Variants in SRRM5 observed in about 807,000 individuals in gnomAD.
SRRM5 encodes the protein serine/arginine repetitive matrix 5, also known as serine/arginine repetitive matrix protein 5.
In SRRM5, 1 loss-of-function variant was observed where a neutral mutation model predicts 1.3. The ratio of observed to expected loss-of-function variants is 0.76; its 90% confidence interval spans 0.27 to 3.59. SRRM5 has a LOEUF of 3.59. Among genes scored for constraint, SRRM5 ranks in the 30% most tolerant of loss-of-function variants. The pLI is 0.19. For synonymous variants in SRRM5, 275 were observed against 320.2 expected (o/e 0.86, Z 1.51); for missense variants, 875 against 914.5 (o/e 0.96, Z 0.56).
Position 43,613,437 on chromosome 19 carries a change from G to C in SRRM5, c.1316G>C (p.Arg439Pro). The C allele has an allele frequency of 1.3e-6, 2 of 1,544,048 alleles. No homozygotes were observed. Among genetic ancestry groups the C allele is most frequent in the Non-Finnish European group, 1.7e-6 (2 of 1,143,820 alleles). ...CCCAACAAGGCGAGAGATTGCAGCC[G>C]ATCTAGAAGTCCCTACAAGGCGAGA... ...RSPNKARDCS[R>P]SRSPYKARDR... Residue 439 changes from arginine (R) to proline (P), a missense_variant, in exon 1 of 1, where the codon CGA (arginine) becomes CCA (proline). Arg to Pro is a moderately radical substitution (Grantham distance 103, BLOSUM62 -2). Coordinates refer to ENST00000417606, the MANE Select transcript of SRRM5 (RefSeq NM_001145641.2).
At position 43,613,839 on chromosome 19, in the gene SRRM5, G is replaced by A; in HGVS notation, c.1718G>A (p.Arg573Lys). Residue 573 changes from arginine (R) to lysine (K), a missense_variant, in exon 1 of 1, where the codon AGA becomes AAA. By Grantham distance (26) the Arg-to-Lys change is conservative (BLOSUM62 2). Transcript: ENST00000417606. ...AAAGAGAGAGATCGCAGACGATGGA[G>A]AAGCCCCAGCAAGGAGAGAGAGCGC... ...PSKERDRRRW[R>K]SPSKERERRQ... 6.4e-7 allele frequency: 1 copy of A among 1,550,874 alleles called. No homozygotes were observed. The highest frequency in any genetic ancestry group is 8.7e-7 in the Non-Finnish European group (1 of 1,146,370).
rs1280968825 is a variant in SRRM5, at chr19:43,612,630, G to A, written c.509G>A (p.Gly170Glu). The A allele has an allele frequency of 1.3e-6, 2 of 1,551,538 alleles. No individual in the cohort carries two copies. The highest frequency in any genetic ancestry group is 8.7e-7 in the Non-Finnish European group (1 of 1,146,986). Residue 170 changes from glycine to glutamate, a missense_variant, in exon 1 of 1, where the codon GGA (glycine) becomes GAA (glutamate). Coordinates refer to ENST00000417606, the MANE Select transcript of SRRM5 (RefSeq NM_001145641.2). This position sits in a 1 kb window ranked among gnomAD's most constrained non-coding sequence, Gnocchi z 4.2. ...ACTTCACAGCAAAAAGGGAGCCGGG[G>A]AAAGAGTTACGGCCGGCCTAGAACC... The part of the protein sequence containing the change: ...TPTSQQKGSR[G>E]KSYGRPRTSN...
rs1568534515 is a variant in SRRM5, at chr19:43,612,338, GCC to G, written c.220_221del (p.Pro74PhefsTer2). On this transcript the variant is annotated frameshift_variant, in exon 3 of 3. Transcript: ENST00000607544. LOFTEE classifies it low-confidence loss of function (END_TRUNC). This position sits in a 1 kb window ranked among gnomAD's most constrained non-coding sequence, Gnocchi z 4.2. Reference sequence around the variant, plus strand: ...CACCAAATCGACCAGTACAAAAAGAGCCCCTTCTAACCGGCCCAGCAGCAGGT... The same window carrying G: ...CACCAAATCGACCAGTACAAAAAGAGCCTTCTAACCGGCCCAGCAGCAGGT... The G allele has an allele frequency of 1.3e-6, 2 of 1,551,646 alleles. No homozygotes were observed. The highest frequency in any genetic ancestry group is 4.9e-5 in the East Asian group (2 of 40,920).
Position 43,614,311 on chromosome 19 carries a change from G to C in SRRM5, c.*42G>C, listed in dbSNP as rs372129497. On this transcript the variant is annotated 3_prime_UTR_variant, in exon 1 of 1. Transcript: ENST00000417606. ...GCTCACGGGTCTCTGTCATGACCGG[G>C]GGAGGGGACAGGAGACAGGAGCAGA... 5 of 1,599,850 alleles carry C rather than the reference G, an allele frequency of 3.1e-6. No homozygotes were observed. In the Middle Eastern group the frequency reaches 5.0e-4, roughly 160 times the overall value.
In SRRM5 at chr19:43,612,425, A is replaced by C. The variant is rs1235419029; in HGVS notation, c.304A>C (p.Lys102Gln). ...SRVSTDTRTS[K>Q]ASKASDVRCH... ...GGTGAGCACCGACACCAGGACCAGC[A>C]AAGCCAGCAAGGCCAGCGACGTGAG... The change falls in exon 1 of 1, where the codon AAA (lysine) becomes CAA (glutamine). Residue 102 changes from lysine (K) to glutamine (Q), a missense_variant. By Grantham distance (53) the Lys-to-Gln change is moderately conservative. Transcript: ENST00000417606. The surrounding 1 kb of genome is among the most constrained non-coding windows in gnomAD (Gnocchi z 4.2). 1 of 1,551,044 alleles carries C rather than the reference A, an allele frequency of 6.4e-7. No homozygotes were observed. Among genetic ancestry groups the C allele is most frequent in the East Asian group, 2.4e-5 (1 of 40,938 alleles).
rs561202972 is a variant in SRRM5, at chr19:43,612,776, T to A, written c.655T>A (p.Cys219Ser). The A allele has an allele frequency of 6.4e-7, 1 of 1,551,556 alleles. No homozygotes were observed. The highest frequency in any genetic ancestry group is 2.4e-5 in the East Asian group (1 of 40,922). The change falls in exon 1 of 1, where the codon TGT becomes AGT. Residue 219 changes from cysteine (C) to serine (S), a missense_variant. By Grantham distance (112) the Cys-to-Ser change is moderately radical. Transcript: ENST00000417606. This position sits in a 1 kb window ranked among gnomAD's most constrained non-coding sequence, Gnocchi z 4.2. ...ELAVTPSTAK[C>S]QTPTGIPSKE... The stretch of plus-strand genomic sequence containing the variant: ...GGCTGTAACTCCCAGTACAGCCAAG[T>A]GTCAAACCCCGACTGGAATTCCCTC...
Position 43,612,639 on chromosome 19 carries a change from A to G in SRRM5, c.518A>G (p.Tyr173Cys), listed in dbSNP as rs372603523. The change falls in exon 1 of 1, where the codon TAC becomes TGC. Residue 173 changes from tyrosine (Y) to cysteine (C), a missense_variant. By Grantham distance (194) the Tyr-to-Cys change is radical. Coordinates refer to ENST00000417606, the MANE Select transcript of SRRM5 (RefSeq NM_001145641.2). The surrounding 1 kb of genome is among the most constrained non-coding windows in gnomAD (Gnocchi z 4.2). ...SQQKGSRGKS[Y>C]GRPRTSNRER... ...CAAAAAGGGAGCCGGGGAAAGAGTT[A>G]CGGCCGGCCTAGAACCAGCAACAGG... 1.8e-4 allele frequency: 286 copies of G among 1,551,226 alleles called. No individual in the cohort carries two copies. The highest frequency in any genetic ancestry group is 1.9e-4 in the Non-Finnish European group (220 of 1,146,862).
Position 43,614,198 on chromosome 19 carries a change from G to A in SRRM5, c.2077G>A (p.Ala693Thr), listed in dbSNP as rs375583370. Reference sequence around the variant, plus strand: ...AACCCTAAGCCAGGATGACAGTCAAGCCGACGCCACCACCTCTAAGGCCAC... The same window carrying A: ...AACCCTAAGCCAGGATGACAGTCAAACCGACGCCACCACCTCTAAGGCCAC... ...GQTLSQDDSQ[A>T]DATTSKATLP... Residue 693 changes from alanine to threonine, a missense_variant, in exon 1 of 1, where the codon GCC becomes ACC. Physicochemically the swap from Ala to Thr is moderately conservative, Grantham distance 58. Transcript: ENST00000417606. The A allele has an allele frequency of 6.2e-7, 1 of 1,614,050 alleles. No individual in the cohort carries two copies. Among genetic ancestry groups the A allele is most frequent in the Non-Finnish European group, 8.5e-7 (1 of 1,180,034 alleles).
In SRRM5 at chr19:43,614,455, G is replaced by T; in HGVS notation, c.*186G>T. 7.0e-7 allele frequency: 1 copy of T among 1,435,078 alleles called. No individual in the cohort carries two copies. The highest frequency in any genetic ancestry group is 2.5e-5 in the East Asian group (1 of 39,956). 88.9% of individuals were successfully genotyped at this position (1,435,078 alleles called of 1,614,324 possible). ...GGATGCTGGATAGGGGGAAAGGAAA[G>T]ACCTGTGATGATTCAATAAATTTTT... is the stretch of plus-strand genomic sequence containing the variant. On this transcript the variant is annotated 3_prime_UTR_variant, in exon 1 of 1. Coordinates refer to ENST00000417606, the MANE Select transcript of SRRM5 (RefSeq NM_001145641.2).
At position 43,613,922 on chromosome 19, in the gene SRRM5, AAGC is replaced by A; in HGVS notation, c.1804_1806del (p.Gln602del). 4 of 1,551,704 alleles carry A rather than the reference AAGC, an allele frequency of 2.6e-6. No individual in the cohort carries two copies. The highest frequency in any genetic ancestry group is 3.5e-6 in the Non-Finnish European group (4 of 1,146,994). On this transcript the variant is annotated inframe_deletion, in exon 1 of 1. Transcript: ENST00000417606. Reference sequence around the variant, plus strand: ...TCACAGCCGATCTAGAAGCCCCAATAAGCAGAGTGGTTACAGTCGACCTAGAGC... The same window carrying A: ...TCACAGCCGATCTAGAAGCCCCAATAAGAGTGGTTACAGTCGACCTAGAGC...
In SRRM5 at chr19:43,613,905, G is replaced by T. The variant is rs759791111; in HGVS notation, c.1784G>T (p.Arg595Leu). 9 of 1,551,538 alleles carry T rather than the reference G, an allele frequency of 5.8e-6. No individual in the cohort carries two copies. The highest frequency in any genetic ancestry group is 4.4e-6 in the Non-Finnish European group (5 of 1,146,938). The change falls in exon 1 of 1, where the codon CGA becomes CTA. Residue 595 changes from arginine to leucine, a missense_variant. By Grantham distance (102) the Arg-to-Leu change is moderately radical. Coordinates refer to ENST00000417606, the MANE Select transcript of SRRM5 (RefSeq NM_001145641.2). ...TCCAGCGAGGAGAGAGATCACAGCC[G>T]ATCTAGAAGCCCCAATAAGCAGAGT... The part of the protein sequence containing the change: ...RSSSEERDHS[R>L]SRSPNKQSGY...
chr19:43,613,680 A>C lies in SRRM5; in HGVS notation c.1559A>C (p.Asp520Ala), dbSNP rs1007341510. ...RQSRSSSKER[D>A]HRRSRSPSKE... ...TCTAGAAGCTCCAGCAAAGAGAGAGATCACAGACGATCTAGAAGCCCCAGC... is the reference window on the plus strand; with the variant it reads ...TCTAGAAGCTCCAGCAAAGAGAGAGCTCACAGACGATCTAGAAGCCCCAGC... Residue 520 changes from aspartate to alanine, a missense_variant, in exon 1 of 1, where the codon GAT (aspartate) becomes GCT (alanine). Asp to Ala is a moderately radical substitution (Grantham distance 126). Coordinates refer to ENST00000417606, the MANE Select transcript of SRRM5 (RefSeq NM_001145641.2). 32 of 1,551,422 alleles carry C rather than the reference A, an allele frequency of 2.1e-5. No individual in the cohort carries two copies. Among genetic ancestry groups the C allele is most frequent in the Non-Finnish European group, 2.8e-5 (32 of 1,146,950 alleles).
At position 43,613,194 on chromosome 19, in the gene SRRM5, A is replaced by C. The variant is rs187670812; in HGVS notation, c.1073A>C (p.Asn358Thr). ...RRGRSHNWSR[N>T]PSKERSHSHS... ...GGAAGAAGTCACAACTGGTCTAGAA[A>C]CCCCAGCAAGGAAAGAAGTCATAGC... The change falls in exon 1 of 1, where the codon AAC becomes ACC. Residue 358 changes from asparagine (N) to threonine (T), a missense_variant. Coordinates refer to ENST00000417606, the MANE Select transcript of SRRM5 (RefSeq NM_001145641.2). 6.4e-7 allele frequency: 1 copy of C among 1,551,658 alleles called. No individual in the cohort carries two copies.
Position 43,614,399 on chromosome 19 carries a change from T to G in SRRM5, c.*130T>G. On this transcript the variant is annotated 3_prime_UTR_variant, in exon 1 of 1. Transcript: ENST00000417606. ...CACAGCCACACCTCCGGCCACAAGTTCTCTAATACAGGATGTTGGCAGGTA... is the reference window on the plus strand; with the variant it reads ...CACAGCCACACCTCCGGCCACAAGTGCTCTAATACAGGATGTTGGCAGGTA... The G allele has an allele frequency of 6.7e-7, 1 of 1,493,478 alleles. No individual in the cohort carries two copies. Among genetic ancestry groups the G allele is most frequent in the Non-Finnish European group, 8.9e-7 (1 of 1,126,072 alleles). The allele number at this position is 1,493,478 out of a possible 1,614,324, so 92.5% of individuals were successfully genotyped here.
rs1384895204 is a variant in SRRM5 at position 43,613,836 on chromosome 19, G to C, written c.1715G>C (p.Trp572Ser). ...SPSKERDRRR[W>S]RSPSKERERR... is the part of the protein sequence containing the mutation. Reference sequence around the variant, plus strand: ...AGCAAAGAGAGAGATCGCAGACGATGGAGAAGCCCCAGCAAGGAGAGAGAG... The same window carrying C: ...AGCAAAGAGAGAGATCGCAGACGATCGAGAAGCCCCAGCAAGGAGAGAGAG... Residue 572 changes from tryptophan (W) to serine (S), a missense_variant, in exon 1 of 1, where the codon TGG becomes TCG. Coordinates refer to ENST00000417606, the MANE Select transcript of SRRM5 (RefSeq NM_001145641.2). 2 of 1,541,300 alleles carry C rather than the reference G, an allele frequency of 1.3e-6. No homozygotes were observed. The highest frequency in any genetic ancestry group is 2.0e-5 in the Admixed American group (1 of 50,128).
rs371308235 is a variant in SRRM5 at position 43,613,755 on chromosome 19, G to A, written c.1634G>A (p.Arg545His). 2.7e-5 allele frequency: 41 copies of A among 1,546,708 alleles called. No homozygotes were observed. Among genetic ancestry groups the A allele is most frequent in the African/African-American group, 7.0e-5 (5 of 71,348 alleles). The change falls in exon 1 of 1, where the codon CGC (arginine) becomes CAC (histidine). Residue 545 changes from arginine to histidine, a missense_variant. Arg to His is a conservative substitution (Grantham distance 29). Transcript: ENST00000417606. Reference sequence around the variant, plus strand: ...AGAAGCCCCAACAAGGAGAGAGATCGCAGCCAATCTAGAAGCCCCAGCGAG... The same window carrying A: ...AGAAGCCCCAACAAGGAGAGAGATCACAGCCAATCTAGAAGCCCCAGCGAG... ...QSRSPNKERD[R>H]SQSRSPSEER...
At position 43,612,359 on chromosome 19, in the gene SRRM5, A is replaced by G. The variant is rs1337076219; in HGVS notation, c.238A>G (p.Ser80Gly). ...TKRAPSNRPS[S>G]RSRVRSKART... ...AAGAGCCCCTTCTAACCGGCCCAGC[A>G]GCAGGTCCCGAGTCCGCAGCAAAGC... is the stretch of plus-strand genomic sequence containing the variant. Residue 80 changes from serine (S) to glycine (G), a missense_variant, in exon 1 of 1, where the codon AGC (serine) becomes GGC (glycine). Ser to Gly is a moderately conservative substitution (Grantham distance 56). Transcript: ENST00000417606. This position sits in a 1 kb window ranked among gnomAD's most constrained non-coding sequence, Gnocchi z 4.2. 6.4e-7 allele frequency: 1 copy of G among 1,551,602 alleles called. No individual in the cohort carries two copies. The highest frequency in any genetic ancestry group is 2.4e-5 in the East Asian group (1 of 40,940).
Position 43,612,555 on chromosome 19 carries a change from T to C in SRRM5, c.434T>C (p.Ile145Thr). 1 of 1,550,998 alleles carries C rather than the reference T, an allele frequency of 6.4e-7. No individual in the cohort carries two copies. The highest frequency in any genetic ancestry group is 8.7e-7 in the Non-Finnish European group (1 of 1,146,830). ...SPSRASTPGR[I>T]RTHGARPGMA... The stretch of plus-strand genomic sequence containing the variant: ...AGCAGGGCCAGCACTCCTGGCAGGA[T>C]AAGAACTCATGGTGCCAGACCAGGC... Residue 145 changes from isoleucine (I) to threonine (T), a missense_variant, in exon 1 of 1, where the codon ATA becomes ACA. Ile to Thr is a moderately conservative substitution (Grantham distance 89, BLOSUM62 -1). Coordinates refer to ENST00000417606, the MANE Select transcript of SRRM5 (RefSeq NM_001145641.2). The surrounding 1 kb of genome is among the most constrained non-coding windows in gnomAD (Gnocchi z 4.2).
Position 43,612,820 on chromosome 19 carries a change from C to T in SRRM5, c.699C>T (p.Asn233=). The T allele has an allele frequency of 6.4e-7, 1 of 1,551,634 alleles. No individual in the cohort carries two copies. Among genetic ancestry groups the T allele is most frequent in the Non-Finnish European group, 8.7e-7 (1 of 1,146,962 alleles). ...TGIPSKEKSD[N]PSPSSSRKVK... is the part of the protein sequence containing the mutation. ...TTCCCTCCAAGGAGAAGAGTGACAA[C>T]CCATCTCCATCCTCATCAAGGAAGG... Residue 233 remains asparagine (N), a synonymous_variant, in exon 1 of 1, where the codon AAC becomes AAT. Coordinates refer to ENST00000417606, the MANE Select transcript of SRRM5 (RefSeq NM_001145641.2). This position sits in a 1 kb window ranked among gnomAD's most constrained non-coding sequence, Gnocchi z 4.2.
Sources: allele counts gnomAD v4.1 joint callset, GRCh38; gene constraint gnomAD v4.1.1; non-coding constraint Gnocchi (gnomAD v3.1); transcripts MANE v1.5; gene names NCBI Gene and HGNC (gene_info 2026-07-23, HGNC 2026-07-21).